ATRNL1: variants seen among roughly 807,000 people sequenced by gnomAD.
ATRNL1 encodes the protein attractin-like protein 1.
In ATRNL1, 95 loss-of-function variants were observed where a neutral mutation model predicts 182.7. The observed-to-expected ratio is 0.52, with a 90% CI of 0.44 to 0.62. The LOEUF is 0.62. Among genes scored for constraint, ATRNL1 ranks in the 20% least tolerant of loss-of-function variants. The pLI is 0.00. For missense variants in ATRNL1, 1,471 were observed against 1,679.5 expected (o/e 0.88, Z 2.17); for synonymous variants, 576 against 568.3 (o/e 1.01, Z -0.19).
intron 27 of ATRNL1, among the ~76,000 whole-genome samples, chr10:115,730,083 G>T (rs868915825): frequency 6.6e-6 from 1 of 151,036 alleles, no homozygotes; most frequent in African/African-American, 2.4e-5. Flanking sequence ...ATGGTGAAAC[G>T]CCATCTCTAC....
In ATRNL1 at chr10:115,171,277, C is replaced by T. The variant is rs1847281437; in HGVS notation, c.1333C>T (p.Gln445Ter). The change falls in exon 8 of 29, where the codon CAG becomes TAG. Residue 445 changes from glutamine to a stop codon, truncating the protein, a stop_gained. Coordinates refer to ENST00000355044, the MANE Select transcript of ATRNL1 (RefSeq NM_207303.4). LOFTEE classifies it high-confidence loss of function. ...SAIYGYTSSI[Q>*]EYHISSNTWL... ...AATATATGGTTATACAAGCAGCATA[C>T]AGGAATACCATATCTGTGAGTTACT... 1.3e-6 allele frequency: 2 copies of T among 1,586,010 alleles called. No individual in the cohort carries two copies. The highest frequency in any genetic ancestry group is 1.7e-6 in the Non-Finnish European group (2 of 1,161,552).
intron 3 of ATRNL1, among the ~76,000 whole-genome samples, chr10:115,126,977 A>T (rs949756295): frequency 3.3e-5 from 5 of 152,160 alleles, no homozygotes; most frequent in African/African-American, 1.2e-4. Context: ...TTATGGGCTT[A>T]TGTGAGCAAT....
intron 8 of ATRNL1, among the ~76,000 whole-genome samples, chr10:115,188,748 T>G (rs1472429867): frequency 2.0e-5 from 3 of 151,954 alleles, no homozygotes. Flanking sequence ...TTTTTAAAAA[T>G]TCTGTGGTGA....
chr10:115,174,519 A>G (rs1847419878), intron 8 of ATRNL1, among the ~76,000 whole-genome samples: 2 of 151,798 alleles, frequency 1.3e-5, no homozygotes, highest in African/African-American at 4.8e-5. Flanking sequence ...ATCATTTTAT[A>G]ATATAAATAA....
At chr10:115,222,028 A>G (rs1039204433) in intron 9 of ATRNL1, among the ~76,000 whole-genome samples, 15 of 152,286 alleles carry the variant, frequency 9.8e-5, no homozygotes, top group Non-Finnish European at 1.5e-4. Flanking sequence ...AGGATAATGG[A>G]GTGTTTTAGA....
At chr10:115,183,921 T>C (rs917569362) in intron 8 of ATRNL1, among the ~76,000 whole-genome samples, 3 of 151,506 alleles carry the variant, frequency 2.0e-5, no homozygotes, top group Non-Finnish European at 4.4e-5. Flanking sequence ...CAACACAAAA[T>C]TCTAAATAAA....
chr10:115,168,071 A>G (rs531494085), intron 7 of ATRNL1, among the ~76,000 whole-genome samples: 1 of 152,298 alleles, frequency 6.6e-6, no homozygotes, highest in African/African-American at 2.4e-5. Flanking sequence ...TTTCATATAA[A>G]TGAAGTCATA....
chr10:115,816,052 A>G (rs1950157281), intron 27 of ATRNL1, among the ~76,000 whole-genome samples: 1 of 152,160 alleles, frequency 6.6e-6, no homozygotes, highest in South Asian at 2.1e-4. Context: ...AACCAAGACA[A>G]TTTTGAGCAA....
At chr10:115,097,462 G>C (rs191563682) in intron 1 of ATRNL1, among the ~76,000 whole-genome samples, 2 of 152,224 alleles carry the variant, frequency 1.3e-5, no homozygotes, top group Admixed American at 1.3e-4. Context: ...CTCCAGCTTG[G>C]GTATCAGAGC....
chr10:115,857,667 A>G (rs80173342), intron 28 of ATRNL1, among the ~76,000 whole-genome samples: 2,429 of 152,290 alleles, frequency 0.016, 78 homozygotes, highest in African/African-American at 0.056. Context: ...TGAGAAATTG[A>G]TTAATATGTA....
At chr10:115,254,379 A>G (rs1285821741) in intron 10 of ATRNL1, among the ~76,000 whole-genome samples, 1 of 152,182 alleles carries the variant, frequency 6.6e-6, no homozygotes, top group African/African-American at 2.4e-5. Context: ...TATTTCTCTG[A>G]TGACCAGTGA....
At chr10:115,559,718 C>T (rs1285514170) in intron 26 of ATRNL1, among the ~76,000 whole-genome samples, 1 of 152,174 alleles carries the variant, frequency 6.6e-6, no homozygotes, top group African/African-American at 2.4e-5. Flanking sequence ...CATAACAACA[C>T]CCAACAAATT....
intron 1 of ATRNL1, among the ~76,000 whole-genome samples, chr10:115,101,201 C>CT (rs1331928516): frequency 4.0e-5 from 6 of 150,460 alleles, no homozygotes; most frequent in African/African-American, 1.2e-4. Flanking sequence ...ATCTAGATGC[C>CT]TTTTTTTTTC....
intron 28 of ATRNL1, among the ~76,000 whole-genome samples, chr10:115,866,243 C>T (rs186996330): frequency 1.2e-4 from 18 of 152,150 alleles, no homozygotes; most frequent in South Asian, 8.3e-4. Flanking sequence ...TATGTTGACA[C>T]GAACATGGTG....
At chr10:115,870,045 A>G (rs148796685) in intron 28 of ATRNL1, among the ~76,000 whole-genome samples, 90 of 135,122 alleles carry the variant, frequency 6.7e-4, no homozygotes, top group African/African-American at 2.5e-3. Flanking sequence ...TTTTGTCCAC[A>G]TCTCTGGTTA....
intron 7 of ATRNL1, among the ~76,000 whole-genome samples, chr10:115,170,614 A>C (rs1364267794): frequency 6.6e-6 from 1 of 152,138 alleles, no homozygotes; most frequent in African/African-American, 2.4e-5. Flanking sequence ...TTAATCAGCA[A>C]CTTAGTTTGT....
chr10:115,821,520 G>T (rs184523714), intron 27 of ATRNL1, among the ~76,000 whole-genome samples: 1 of 152,148 alleles, frequency 6.6e-6, no homozygotes, highest in African/African-American at 2.4e-5. Flanking sequence ...AAGACCCATT[G>T]GTATGCTGTA....
chr10:115,911,975 G>A (rs1228839087), intron 28 of ATRNL1, among the ~76,000 whole-genome samples: 1 of 152,104 alleles, frequency 6.6e-6, no homozygotes, highest in African/African-American at 2.4e-5. Context: ...TATGTACTAT[G>A]TTTCTCACCA....
At chr10:115,327,886 G>A (rs75121412) in intron 18 of ATRNL1, among the ~76,000 whole-genome samples, 1 of 151,718 alleles carries the variant, frequency 6.6e-6, no homozygotes, top group South Asian at 2.1e-4. Context: ...ATTGAACAAT[G>A]AGAACACATG....
Sources: allele counts gnomAD v4.1 joint callset (sites outside exome capture counted in the v4.1 genomes callset), GRCh38; gene constraint gnomAD v4.1.1; transcripts MANE v1.5; gene names NCBI Gene and HGNC (gene_info 2026-07-23, HGNC 2026-07-21).